Variants in NIBAN2 observed in about 807,000 individuals in gnomAD.
NIBAN2 encodes the protein niban apoptosis regulator 2.
NIBAN2 carries 36 observed loss-of-function variants against 81.8 expected under a neutral mutation model. The ratio of observed to expected loss-of-function variants is 0.44; its 90% CI spans 0.34 to 0.58. NIBAN2 has a LOEUF of 0.58. NIBAN2 is among the 20% of genes least tolerant of loss of function. The probability of loss-of-function intolerance (pLI) is 0.02; values close to 1 mark genes in which losing one functional copy is unlikely to be tolerated. For missense variants in NIBAN2, 897 were observed against 1,014.1 expected (o/e 0.88, Z 1.57); for synonymous variants, 445 against 441.6 (o/e 1.01, Z -0.10).
At position 127,545,654 on chromosome 9, in the gene NIBAN2, C is replaced by T. The variant is rs1348202385; in HGVS notation, c.56-13876G>A. On this transcript the variant is annotated intron_variant, in intron 1 of 13. Transcript: ENST00000373312. This position sits in a 1 kb window ranked among gnomAD's most constrained non-coding sequence, Gnocchi z 4.7. ...ATATTTAACCAGGGCTGGGCCACAA[C>T]AGGTCTGGTGGGGAAGGGTGAGCTT... Among the ~76,000 whole-genome samples, 1 of 152,140 alleles carries T rather than the reference C, an allele frequency of 6.6e-6. No individual in the cohort carries two copies. Among genetic ancestry groups the T allele is most frequent in the Admixed American group, 6.5e-5 (1 of 15,274 alleles).
At chr9:127,524,208 G>A (rs12554909) in intron 4 of NIBAN2, among the ~76,000 whole-genome samples, 6 of 152,162 alleles carry the variant, frequency 3.9e-5, no homozygotes, top group Admixed American at 6.5e-5. Flanking sequence ...TTCAGATTTC[G>A]GCTGTGGAGG....
Position 127,563,151 on chromosome 9 carries a change from C to T in NIBAN2, c.55+5669G>A, listed in dbSNP as rs373472941. Among the ~76,000 whole-genome samples the T allele has an allele frequency of 1.3e-5, 2 of 152,116 alleles. No homozygotes were observed. The highest frequency in any genetic ancestry group is 4.8e-5 in the African/African-American group (2 of 41,424). On this transcript the variant is annotated intron_variant, in intron 1 of 13. Coordinates refer to ENST00000373312, the MANE Select transcript of NIBAN2 (RefSeq NM_022833.4). The surrounding 1 kb of genome is among the most constrained non-coding windows in gnomAD (Gnocchi z 4.1). ...CGTGTGTGGGAAGGACTAGAGGCTC[C>T]GAGGAGGCTGGAGCAGCTCTGAGTA...
chr9:127,530,835 G>A (rs555804084), intron 2 of NIBAN2, among the ~76,000 whole-genome samples: 52 of 152,254 alleles, frequency 3.4e-4, no homozygotes, highest in African/African-American at 1.2e-3. Flanking sequence ...AGTCACCCAC[G>A]GTGACTGAAG....
chr9:127,524,992 C>T, intron 4 of NIBAN2, 66 bp downstream of exon 4: 2 of 1,285,686 alleles, frequency 1.6e-6, no homozygotes, highest in South Asian at 2.5e-5. Context: ...CTCAGGGCCA[C>T]CCCTCCCCTG....
Position 127,508,574 on chromosome 9 carries a change from G to A in NIBAN2, c.1318-36C>T, listed in dbSNP as rs865899214. The A allele has an allele frequency of 3.2e-6, 5 of 1,550,750 alleles. No individual in the cohort carries two copies. The African/African-American group carries it at 6.8e-5, about 21-fold the overall frequency. Reference sequence around the variant, plus strand: ...TACCGCGGACATGTGAAGCCCCCAGGGTGACCACAGCCCCTTCCTGGGTGC... The same window carrying A: ...TACCGCGGACATGTGAAGCCCCCAGAGTGACCACAGCCCCTTCCTGGGTGC... On this transcript the variant is annotated intron_variant, in intron 10 of 13. Coordinates refer to ENST00000373312, the MANE Select transcript of NIBAN2 (RefSeq NM_022833.4). This position sits in a 1 kb window ranked among gnomAD's most constrained non-coding sequence, Gnocchi z 6.4.
At chr9:127,543,808 T>C (rs1381414055) in intron 1 of NIBAN2, among the ~76,000 whole-genome samples, 1 of 152,230 alleles carries the variant, frequency 6.6e-6, no homozygotes, top group Non-Finnish European at 1.5e-5. Flanking sequence ...CATCACACTG[T>C]TCTTCAGTTC....
At position 127,517,481 on chromosome 9, in the gene NIBAN2, C is replaced by T. The variant is rs1048079763; in HGVS notation, c.706-265G>A. ...TGCCTTCCCTACCTAGAATACCATA[C>T]TCCCTCCCTGCTTTGCCTGCACATG... On this transcript the variant is annotated intron_variant, in intron 6 of 13. Transcript: ENST00000373312. This position sits in a 1 kb window ranked among gnomAD's most constrained non-coding sequence, Gnocchi z 4.0. Among the ~76,000 whole-genome samples, 2 of 152,218 alleles carry T rather than the reference C, an allele frequency of 1.3e-5. No homozygotes were observed. The highest frequency in any genetic ancestry group is 2.9e-5 in the Non-Finnish European group (2 of 68,036).
In NIBAN2 at chr9:127,537,602, T is replaced by G. The variant is rs555092687; in HGVS notation, c.56-5824A>C. On this transcript the variant is annotated intron_variant, in intron 1 of 13. Transcript: ENST00000373312. ...TAACCGTGGCTGGGATCCCCTGGCA[T>G]AACCCTTAGCCTCTGCTGGCGCCCA... Among the ~76,000 whole-genome samples, 3 of 152,302 alleles carry G rather than the reference T, an allele frequency of 2.0e-5. No individual in the cohort carries two copies. In the East Asian group the frequency reaches 5.8e-4, roughly 29 times the overall value.
upstream of NIBAN2, among the ~76,000 whole-genome samples, chr9:127,572,349 G>A (rs1837959290): frequency 6.6e-6 from 1 of 152,208 alleles, no homozygotes; most frequent in Non-Finnish European, 1.5e-5. Context: ...CCTACTATGT[G>A]TTGGATGCTA....
At chr9:127,556,357 C>G (rs1299656964) in intron 1 of NIBAN2, among the ~76,000 whole-genome samples, 1 of 151,794 alleles carries the variant, frequency 6.6e-6, no homozygotes, top group South Asian at 2.1e-4. Context: ...CTGTAACCAA[C>G]CCCCACCAAC....
intron 1 of NIBAN2, among the ~76,000 whole-genome samples, chr9:127,539,605 G>T (rs948560412): frequency 2.0e-5 from 3 of 152,172 alleles, no homozygotes; most frequent in Non-Finnish European, 4.4e-5. Flanking sequence ...TTTAAAATGG[G>T]AGGGTGGGTC....
rs181355207 is a variant in NIBAN2 at position 127,546,550 on chromosome 9, G to C, written c.56-14772C>G. On this transcript the variant is annotated intron_variant, in intron 1 of 13. Transcript: ENST00000373312. ...GTCAAGCCCTTCCCCCAAGATGTCC[G>C]CAGTGTCAACCACTCAGCCCCGCCC... 3.9e-5 allele frequency among the ~76,000 whole-genome samples: 6 copies of C among 152,220 alleles called. No individual in the cohort carries two copies. In the East Asian group the frequency reaches 9.7e-4, roughly 25 times the overall value.
chr9:127,519,740 G>A (rs1836900256), intron 5 of NIBAN2, among the ~76,000 whole-genome samples: 1 of 152,254 alleles, frequency 6.6e-6, no homozygotes, highest in Non-Finnish European at 1.5e-5. Context: ...AGGAGTGACA[G>A]GAGCAGGGCA....
At chr9:127,543,912 G>C (rs1010757428) in intron 1 of NIBAN2, among the ~76,000 whole-genome samples, 2 of 152,210 alleles carry the variant, frequency 1.3e-5, no homozygotes, top group Non-Finnish European at 2.9e-5. Flanking sequence ...TCCCATATAT[G>C]CTAAAAATTA....
At chr9:127,543,297 C>T (rs1414593328) in intron 1 of NIBAN2, among the ~76,000 whole-genome samples, 1 of 152,154 alleles carries the variant, frequency 6.6e-6, no homozygotes, top group Non-Finnish European at 1.5e-5. Flanking sequence ...CGCCATCTGA[C>T]ATAGACCCGG....
upstream of NIBAN2, among the ~76,000 whole-genome samples, chr9:127,573,566 C>T (rs751947554): frequency 2.6e-5 from 4 of 151,912 alleles, no homozygotes; most frequent in South Asian, 2.1e-4. Flanking sequence ...CCTGCCCTCA[C>T]GCTGGAGGCC....
chr9:127,543,283 C>T (rs1370052461), intron 1 of NIBAN2, among the ~76,000 whole-genome samples: 1 of 152,188 alleles, frequency 6.6e-6, no homozygotes, highest in Non-Finnish European at 1.5e-5. Context: ...CTGGGGACAC[C>T]TCACGCCATC....
chr9:127,544,479 T>A (rs945312563), intron 1 of NIBAN2, among the ~76,000 whole-genome samples: 1 of 152,012 alleles, frequency 6.6e-6, no homozygotes, highest in African/African-American at 2.4e-5. Flanking sequence ...TGTTATTCTT[T>A]TTTTCTTTTA....
chr9:127,510,381 T>G, intron 8 of NIBAN2, 48 bp from the exon 9 acceptor site: 1 of 1,428,652 alleles, frequency 7.0e-7, no homozygotes, highest in Non-Finnish European at 9.5e-7. Flanking sequence ...AAGGAGCACC[T>G]CCCAGCCATC....
Sources: gnomAD v4.1 joint callset for allele counts (sites outside exome capture counted in the v4.1 genomes callset) on GRCh38, gnomAD v4.1.1 for gene constraint, Gnocchi (gnomAD v3.1) non-coding constraint, MANE v1.5 for transcripts, NCBI Gene and HGNC (gene_info 2026-07-23, HGNC 2026-07-21) for gene names.